Variants in LRP1B observed in about 807,000 individuals in gnomAD.
LRP1B encodes low-density lipoprotein receptor-related protein 1B.
A neutral mutation model predicts 556.6 loss-of-function variants in LRP1B; 217 were observed. The ratio of observed to expected loss-of-function variants is 0.39; its 90% CI spans 0.35 to 0.44. The LOEUF is 0.44. Among genes scored for constraint, LRP1B ranks in the 20% least tolerant of loss-of-function variants. The pLI, the probability that LRP1B is intolerant of heterozygous loss-of-function variation, is 1.00. For missense variants in LRP1B, 5,053 were observed against 5,620.8 expected, an observed-to-expected ratio of 0.90 and a Z score of 3.23; for synonymous variants, 2,047 against 1,865.8, an observed-to-expected ratio of 1.10 and a Z score of -2.50.
At chr2:140,969,132 T>A (rs1284262663) in intron 18 of LRP1B, among the ~76,000 whole-genome samples, 14 of 152,204 alleles carry the variant, frequency 9.2e-5, no homozygotes, top group Non-Finnish European at 1.9e-4. Flanking sequence ...CAGTGGTGTG[T>A]TAAAGTCTCC....
intron 3 of LRP1B, among the ~76,000 whole-genome samples, chr2:141,348,951 T>A (rs1161100536): frequency 6.6e-6 from 1 of 152,026 alleles, no homozygotes; most frequent in East Asian, 1.9e-4. Context: ...CTGCCATCCA[T>A]GTATGATGTG....
intron 85 of LRP1B, among the ~76,000 whole-genome samples, chr2:140,270,920 A>T (rs1215514798): frequency 1.3e-5 from 2 of 151,986 alleles, no homozygotes; most frequent in Non-Finnish European, 1.5e-5. Flanking sequence ...TCTAACATAA[A>T]AAAATCATGG....
At chr2:141,884,442 T>C (rs555524364) in intron 1 of LRP1B, among the ~76,000 whole-genome samples, 20 of 152,190 alleles carry the variant, frequency 1.3e-4, no homozygotes, top group Middle Eastern at 3.4e-3. Flanking sequence ...ATGTTAAAGA[T>C]CTAAAGAGCC....
At chr2:141,431,187 A>T (rs1460679755) in intron 3 of LRP1B, among the ~76,000 whole-genome samples, 6 of 108,470 alleles carry the variant, frequency 5.5e-5, no homozygotes, top group Non-Finnish European at 1.2e-4. Flanking sequence ...ACCATAGATT[A>T]TCCTGGTGAG....
chr2:141,398,753 T>C (rs1690339326), intron 3 of LRP1B, among the ~76,000 whole-genome samples: 1 of 152,174 alleles, frequency 6.6e-6, no homozygotes, highest in South Asian at 2.1e-4. Context: ...AGAAACACTG[T>C]CCAAATGACC....
In LRP1B at chr2:140,883,873, T is replaced by C. The variant is rs751911566; in HGVS notation, c.4113A>G (p.Thr1371=). ...GGTGTTCCATGGCTCCTGCTATTAGTGTAGTTCTTAGGGAGCCATCTAGTT... is the reference window on the plus strand; with the variant it reads ...GGTGTTCCATGGCTCCTGCTATTAGCGTAGTTCTTAGGGAGCCATCTAGTT... The part of the protein sequence containing the change: ...VAKLDGSLRT[T]LIAGAMEHPR... The change falls in exon 25 of 91, where the codon ACA becomes ACG. Residue 1371 remains threonine, a synonymous_variant. Transcript: ENST00000389484. 1.9e-6 allele frequency: 3 copies of C among 1,613,826 alleles called. No homozygotes were observed. The highest frequency in any genetic ancestry group is 2.7e-5 in the African/African-American group (2 of 74,884).
chr2:140,373,051 A>C lies in LRP1B; in HGVS notation c.10725T>G (p.His3575Gln). The change falls in exon 69 of 91, where the codon CAT becomes CAG. Residue 3575 changes from histidine to glutamine, a missense_variant. His to Gln is a conservative substitution (Grantham distance 24). Around this residue, in one of 5 missense-constraint regions of LRP1B, gnomAD observed 599 missense variants for 648.4 expected, o/e 0.92. Coordinates refer to ENST00000389484, the MANE Select transcript of LRP1B (RefSeq NM_018557.3). ...CATCTTCCCCATATTTGCAGTCTTC[A>C]TGGCCATCACATTTCCATTTTGCTG... is the stretch of plus-strand genomic sequence containing the variant. Reference protein sequence around the residue: ...CIPAKWKCDGHEDCKYGEDEK... With the variant: ...CIPAKWKCDGQEDCKYGEDEK... 6.2e-7 allele frequency: 1 copy of C among 1,613,550 alleles called. No homozygotes were observed. Among genetic ancestry groups the C allele is most frequent in the Non-Finnish European group, 8.5e-7 (1 of 1,179,672 alleles).
At chr2:141,037,836 CA>C (rs1446857697) in intron 11 of LRP1B, among the ~76,000 whole-genome samples, 2 of 151,666 alleles carry the variant, frequency 1.3e-5, no homozygotes, top group Non-Finnish European at 2.9e-5. Flanking sequence ...GGAAGACTTC[CA>C]AAAACCTTGC....
At chr2:141,484,462 A>G (rs1159585092) in intron 2 of LRP1B, among the ~76,000 whole-genome samples, 2 of 151,828 alleles carry the variant, frequency 1.3e-5, no homozygotes, top group Non-Finnish European at 2.9e-5. Flanking sequence ...TTTTGGTTCC[A>G]TATGAACTTT....
intron 84 of LRP1B, among the ~76,000 whole-genome samples, chr2:140,280,687 C>A (rs1682878722): frequency 6.6e-6 from 1 of 151,758 alleles, no homozygotes; most frequent in Non-Finnish European, 1.5e-5. Context: ...GTTACTGTGG[C>A]AAAAGCCTAA....
chr2:141,153,005 T>C (rs1185358015), intron 7 of LRP1B, among the ~76,000 whole-genome samples: 1 of 150,580 alleles, frequency 6.6e-6, no homozygotes, highest in Admixed American at 6.7e-5. Flanking sequence ...CTTAAGATTT[T>C]TGATCTACAA....
intron 41 of LRP1B, among the ~76,000 whole-genome samples, chr2:140,630,191 G>C (rs1324361378): frequency 6.6e-6 from 1 of 152,110 alleles, no homozygotes; most frequent in Non-Finnish European, 1.5e-5. Flanking sequence ...CTTTGGAGAT[G>C]GTGCCTGGCA....
At chr2:141,480,251 A>T in intron 3 of LRP1B, 145 bp downstream of exon 3, 1 of 889,160 alleles carries the variant, frequency 1.1e-6, no homozygotes, top group Non-Finnish European at 1.8e-6. Flanking sequence ...AATGCATATT[A>T]AAATGTCTGG....
At chr2:141,458,310 A>T (rs998823027) in intron 3 of LRP1B, among the ~76,000 whole-genome samples, 15 of 152,192 alleles carry the variant, frequency 9.9e-5, no homozygotes, top group African/African-American at 3.6e-4. Flanking sequence ...GTAGTCTAGG[A>T]AAAGTACTTA....
At chr2:140,910,743 A>T (rs1694396051) in intron 21 of LRP1B, among the ~76,000 whole-genome samples, 1 of 151,850 alleles carries the variant, frequency 6.6e-6, no homozygotes, top group Non-Finnish European at 1.5e-5. Context: ...TAACTAGTTG[A>T]CATCCTTCCT....
At chr2:140,466,106 T>G (rs1193326951) in intron 60 of LRP1B, among the ~76,000 whole-genome samples, 1 of 150,078 alleles carries the variant, frequency 6.7e-6, no homozygotes, top group Non-Finnish European at 1.5e-5. Flanking sequence ...ATTATTTCAA[T>G]TTCCTCTTTT....
At chr2:140,740,533 T>TA (rs2104865721) in intron 35 of LRP1B, among the ~76,000 whole-genome samples, 1 of 152,212 alleles carries the variant, frequency 6.6e-6, no homozygotes, top group Admixed American at 6.5e-5. Context: ...GGGCGAGGGA[T>TA]AAAAGACTGC....
intron 43 of LRP1B, among the ~76,000 whole-genome samples, chr2:140,596,556 T>A (rs1682448472): frequency 6.6e-6 from 1 of 152,230 alleles, no homozygotes; most frequent in Admixed American, 6.5e-5. Flanking sequence ...AAATATTTAC[T>A]GTGCAAAGTG....
intron 11 of LRP1B, among the ~76,000 whole-genome samples, chr2:141,022,670 A>G (rs771893320): frequency 6.6e-6 from 1 of 151,992 alleles, no homozygotes; most frequent in Non-Finnish European, 1.5e-5. Flanking sequence ...CAGATCAGGG[A>G]CACATGAAGG....
Sources: gnomAD v4.1 joint callset for allele counts (sites outside exome capture counted in the v4.1 genomes callset) on GRCh38, gnomAD v4.1.1 for gene constraint, gnomAD v4.1.1 regional missense constraint, MANE v1.5 for transcripts, NCBI Gene and HGNC (gene_info 2026-07-23, HGNC 2026-07-21) for gene names.